The following EBF2 variants were observed in gnomAD, a reference collection of about 807,000 sequenced individuals.
EBF2 encodes EBF transcription factor 2.
EBF2 carries 21 observed loss-of-function variants against 72.8 expected under a neutral mutation model. The observed-to-expected ratio is 0.29, with a 90% confidence interval of 0.20 to 0.42. EBF2 has a LOEUF of 0.42. Among genes scored for constraint, EBF2 ranks in the 10% least tolerant of loss-of-function variants. The pLI, the probability that EBF2 is intolerant of heterozygous loss-of-function variation, is 1.00. For missense variants in EBF2, 637 were observed against 731.2 expected, an observed-to-expected ratio of 0.87 and a Z score of 1.49; for synonymous variants, 299 against 274.2, an observed-to-expected ratio of 1.09 and a Z score of -0.89.
chr8:26,027,889 C>T (rs7841056), intron 6 of EBF2, among the ~76,000 whole-genome samples: 2,516 of 152,226 alleles, frequency 0.017, 75 homozygotes, highest in African/African-American at 0.057. Context: ...GTTCCATTTA[C>T]GTGAGGTGTC....
chr8:25,949,411 T>C (rs1445005267), intron 6 of EBF2, among the ~76,000 whole-genome samples: 1 of 152,108 alleles, frequency 6.6e-6, no homozygotes, highest in African/African-American at 2.4e-5. Flanking sequence ...CCTCTTTTGG[T>C]TTGGAAAAAA....
At chr8:25,933,470 C>T (rs1803517217) in intron 6 of EBF2, among the ~76,000 whole-genome samples, 1 of 152,162 alleles carries the variant, frequency 6.6e-6, no homozygotes, top group Admixed American at 6.5e-5. Flanking sequence ...GAACTCTGAT[C>T]CACAGCTGGT....
intron 6 of EBF2, chr8:26,032,772 CTGAT>C (rs1805430707): frequency 4.2e-6 from 1 of 237,216 alleles, no homozygotes; most frequent in African/African-American, 2.2e-5. Flanking sequence ...TTCTAGAAAA[CTGAT>C]TGAGACCATA....
intron 6 of EBF2, among the ~76,000 whole-genome samples, chr8:25,924,204 T>A (rs181093426): frequency 3.9e-5 from 6 of 152,338 alleles, no homozygotes; most frequent in Admixed American, 3.9e-4. Context: ...GGGTAATGCC[T>A]CTGAGAGATG....
At chr8:25,994,406 TA>T (rs1426553746) in intron 6 of EBF2, among the ~76,000 whole-genome samples, 1 of 152,082 alleles carries the variant, frequency 6.6e-6, no homozygotes, top group Non-Finnish European at 1.5e-5. Flanking sequence ...AAATATAGGC[TA>T]AAAAAACTTC....
intron 6 of EBF2, among the ~76,000 whole-genome samples, chr8:25,932,652 T>C (rs1803504093): frequency 6.6e-6 from 1 of 152,184 alleles, no homozygotes; most frequent in South Asian, 2.1e-4. Context: ...CCGCAGCTGA[T>C]CTGAACTGAG....
intron 6 of EBF2, among the ~76,000 whole-genome samples, chr8:25,920,627 T>C (rs993613308): frequency 7.9e-5 from 12 of 152,188 alleles, no homozygotes; most frequent in African/African-American, 2.9e-4. Flanking sequence ...TAATCAGCTA[T>C]GAGGGAGAAA....
At chr8:25,867,411 C>A (rs1037406252) in intron 10 of EBF2, among the ~76,000 whole-genome samples, 2 of 152,210 alleles carry the variant, frequency 1.3e-5, no homozygotes, top group Admixed American at 6.5e-5. Flanking sequence ...CCATTCTTAA[C>A]CCCGAGTTAA....
In EBF2 at chr8:25,963,090, T is replaced by C. The variant is rs572996029; in HGVS notation, c.552-54535A>G. ...TGTTGTCAGGTTTATGTTGAACTTG[T>C]GTATCCCGTTCCTGTTGTTGATATC... On this transcript the variant is annotated intron_variant, in intron 6 of 15. Transcript: ENST00000520164. 2.0e-5 allele frequency among the ~76,000 whole-genome samples: 3 copies of C among 152,322 alleles called. No homozygotes were observed. The East Asian group carries it at 5.8e-4, about 29-fold the overall frequency.
At chr8:25,988,363 G>A (rs1804494045) in intron 6 of EBF2, among the ~76,000 whole-genome samples, 1 of 152,178 alleles carries the variant, frequency 6.6e-6, no homozygotes, top group African/African-American at 2.4e-5. Context: ...AATATTCTAG[G>A]TGATCACACA....
intron 10 of EBF2, among the ~76,000 whole-genome samples, chr8:25,870,299 C>G (rs554335231): frequency 6.6e-6 from 1 of 151,026 alleles, no homozygotes; most frequent in African/African-American, 2.4e-5. Flanking sequence ...TGCAGATTTT[C>G]GTAGAGAAAA....
At chr8:25,986,072 G>A (rs149924635) in intron 6 of EBF2, among the ~76,000 whole-genome samples, 6 of 141,916 alleles carry the variant, frequency 4.2e-5, no homozygotes, top group Non-Finnish European at 9.0e-5. Flanking sequence ...GATTACATGT[G>A]ACATAGACTT....
Position 26,044,926 on chromosome 8 carries a change from A to C in EBF2, c.-67T>G. The C allele has an allele frequency of 6.5e-7, 1 of 1,538,528 alleles. No individual in the cohort carries two copies. The highest frequency in any genetic ancestry group is 8.8e-7 in the Non-Finnish European group (1 of 1,132,676). Reference sequence around the variant, plus strand: ...TTACAACACAGTCCTGACTGTTCCCAACGTTGCCAGCAAATCGTCTCCTCC... The same window carrying C: ...TTACAACACAGTCCTGACTGTTCCCCACGTTGCCAGCAAATCGTCTCCTCC... On this transcript the variant is annotated 5_prime_UTR_variant, in exon 1 of 16. Transcript: ENST00000520164. This position sits in a 1 kb window ranked among gnomAD's most constrained non-coding sequence, Gnocchi z 4.1.
chr8:26,012,338 T>C (rs1165361272), intron 6 of EBF2, among the ~76,000 whole-genome samples: 1 of 152,180 alleles, frequency 6.6e-6, no homozygotes, highest in Non-Finnish European at 1.5e-5. Context: ...GTCCTTTATA[T>C]GAAAATAGGG....
intron 6 of EBF2, among the ~76,000 whole-genome samples, chr8:25,977,584 G>A (rs893037884): frequency 7.9e-5 from 12 of 152,174 alleles, no homozygotes; most frequent in Non-Finnish European, 1.5e-4. Flanking sequence ...AGAAAGAAAG[G>A]AAGTCAGGAG....
At chr8:25,887,427 A>T (rs1397586164) in intron 9 of EBF2, among the ~76,000 whole-genome samples, 1 of 152,224 alleles carries the variant, frequency 6.6e-6, no homozygotes, top group African/African-American at 2.4e-5. Context: ...ATTACAGAAA[A>T]ATATTTTTTA....
intron 6 of EBF2, among the ~76,000 whole-genome samples, chr8:25,925,864 C>T (rs1419790268): frequency 6.6e-6 from 1 of 152,046 alleles, no homozygotes; most frequent in African/African-American, 2.4e-5. Context: ...CCCTTATAGC[C>T]CGTGTGGGGG....
chr8:25,981,205 TC>T (rs1208067635), intron 6 of EBF2, among the ~76,000 whole-genome samples: 2 of 152,110 alleles, frequency 1.3e-5, no homozygotes, highest in Non-Finnish European at 2.9e-5. Flanking sequence ...CTTGCATCAC[TC>T]CCTTTACACA....
At chr8:25,860,170 C>CACTT (rs1490515744) in intron 13 of EBF2, among the ~76,000 whole-genome samples, 6 of 152,188 alleles carry the variant, frequency 3.9e-5, no homozygotes, top group African/African-American at 1.4e-4. Flanking sequence ...TTCGACTTAG[C>CACTT]ACTTCAATAA....
Sources: gnomAD v4.1 joint callset for allele counts (sites outside exome capture counted in the v4.1 genomes callset) on GRCh38, gnomAD v4.1.1 for gene constraint, Gnocchi (gnomAD v3.1) non-coding constraint, MANE v1.5 for transcripts, NCBI Gene and HGNC (gene_info 2026-07-23, HGNC 2026-07-21) for gene names.